Variants in PAPSS2 observed in about 807,000 individuals in gnomAD.
PAPSS2 encodes bifunctional 3'-phosphoadenosine 5'-phosphosulfate synthase 2.
A neutral mutation model predicts 66.5 loss-of-function variants in PAPSS2; 61 were observed. That is an observed-to-expected ratio of 0.92 (90% CI 0.75 to 1.14). PAPSS2 has a LOEUF of 1.14. Among genes scored for constraint, PAPSS2 ranks in the 50% most tolerant of loss-of-function variants. The pLI is 0.00. For synonymous variants in PAPSS2, 289 were observed against 287.5 expected (o/e 1.01, Z -0.05); for missense variants, 708 against 789.6 (o/e 0.90, Z 1.24).
At chr10:87,708,856 A>G (rs568694244) in intron 1 of PAPSS2, among the ~76,000 whole-genome samples, 1 of 152,360 alleles carries the variant, frequency 6.6e-6, no homozygotes, top group Non-Finnish European at 1.5e-5. Context: ...TGTTGCATGA[A>G]TCAATGAGAT....
chr10:87,714,936 G>A, intron 5 of PAPSS2, 49 bp from the exon 6 acceptor site: 1 of 1,416,876 alleles, frequency 7.1e-7, no homozygotes, highest in Non-Finnish European at 1.0e-6. Flanking sequence ...CTTTACTGAA[G>A]CATTCTTTTT....
At chr10:87,729,067 A>G (rs10887750) in intron 9 of PAPSS2, among the ~76,000 whole-genome samples, 79,514 of 151,788 alleles carry the variant, frequency 0.52, 22,126 homozygotes, top group East Asian at 0.75. Flanking sequence ...AAGAATAGCA[A>G]CCTTTGGTTA....
At chr10:87,688,260 T>G (rs572992175) in intron 1 of PAPSS2, among the ~76,000 whole-genome samples, 19 of 151,916 alleles carry the variant, frequency 1.3e-4, no homozygotes, top group African/African-American at 4.6e-4. Context: ...GCATGGAAAT[T>G]ATTGTTAGAG....
chr10:87,681,980 T>C (rs2131904992), intron 1 of PAPSS2, among the ~76,000 whole-genome samples: 1 of 152,342 alleles, frequency 6.6e-6, no homozygotes. Flanking sequence ...TTTGGGGCTA[T>C]TATGAAGAAT....
intron 1 of PAPSS2, among the ~76,000 whole-genome samples, chr10:87,707,493 C>G (rs1002473144): frequency 3.3e-5 from 5 of 149,504 alleles, no homozygotes; most frequent in Non-Finnish European, 4.4e-5. Flanking sequence ...TTGTAGCCCT[C>G]TTTAGTTTCT....
intron 1 of PAPSS2, among the ~76,000 whole-genome samples, chr10:87,688,375 A>G (rs561498564): frequency 6.6e-6 from 1 of 151,802 alleles, no homozygotes; most frequent in African/African-American, 2.4e-5. Flanking sequence ...ACCATTTGTA[A>G]CTGACATTAT....
chr10:87,716,637 T>A (rs1343369982), intron 7 of PAPSS2, among the ~76,000 whole-genome samples: 1 of 152,126 alleles, frequency 6.6e-6, no homozygotes, highest in Non-Finnish European at 1.5e-5. Context: ...TAAGATGCTC[T>A]TTTTTGGGAG....
At chr10:87,674,711 A>G (rs774614519) in intron 1 of PAPSS2, among the ~76,000 whole-genome samples, 2 of 152,232 alleles carry the variant, frequency 1.3e-5, no homozygotes, top group Non-Finnish European at 2.9e-5. Context: ...TTAAGATTAT[A>G]ACTGTCTACC....
intron 1 of PAPSS2, among the ~76,000 whole-genome samples, chr10:87,673,249 AGT>A (rs1438818072): frequency 6.6e-6 from 1 of 152,176 alleles, no homozygotes; most frequent in Non-Finnish European, 1.5e-5. Context: ...GTGGAACACT[AGT>A]GTGTCTACTG....
chr10:87,672,531 A>G (rs1852891128), intron 1 of PAPSS2, among the ~76,000 whole-genome samples: 2 of 152,210 alleles, frequency 1.3e-5, no homozygotes, highest in African/African-American at 4.8e-5. Context: ...CTTTCCTGTT[A>G]GTTCATCCTG....
chr10:87,710,128 A>G (rs1354320577), intron 2 of PAPSS2, among the ~76,000 whole-genome samples: 1 of 152,240 alleles, frequency 6.6e-6, no homozygotes, highest in African/African-American at 2.4e-5. Context: ...ATGTTTATTC[A>G]GGTTATAAAA....
chr10:87,738,147 C>T (rs1853822570), intron 9 of PAPSS2, among the ~76,000 whole-genome samples: 1 of 152,128 alleles, frequency 6.6e-6, no homozygotes, highest in African/African-American at 2.4e-5. Flanking sequence ...GTTGCTTCCA[C>T]CTCTTGGCTA....
At chr10:87,669,640 A>G (rs1425709416) in intron 1 of PAPSS2, among the ~76,000 whole-genome samples, 2 of 152,242 alleles carry the variant, frequency 1.3e-5, no homozygotes, top group South Asian at 4.1e-4. Flanking sequence ...TTTTTAGAGC[A>G]TGTGTTGTTA....
chr10:87,701,323 CCTTCCTTTCTTTCTTTCTTT>C (rs746559202), intron 1 of PAPSS2, among the ~76,000 whole-genome samples: 239 of 84,068 alleles, frequency 2.8e-3, no homozygotes, highest in African/African-American at 3.1e-3. Flanking sequence ...TTCCTTCCTT[CCTTCCTTTCTTTCTTTCTTT>C]CTTTCTTTCT....
intron 1 of PAPSS2, among the ~76,000 whole-genome samples, chr10:87,661,436 C>A (rs907542453): frequency 6.6e-6 from 1 of 152,088 alleles, no homozygotes; most frequent in African/African-American, 2.4e-5. Context: ...CTATTTAATG[C>A]GATTAATTTC....
At chr10:87,731,986 G>A (rs1369097994) in intron 9 of PAPSS2, among the ~76,000 whole-genome samples, 1 of 152,210 alleles carries the variant, frequency 6.6e-6, no homozygotes, top group African/African-American at 2.4e-5. Context: ...TTTGAAGGAA[G>A]TTCTACCATG....
chr10:87,690,541 G>C (rs1853160167), intron 1 of PAPSS2, among the ~76,000 whole-genome samples: 1 of 152,228 alleles, frequency 6.6e-6, no homozygotes, highest in East Asian at 1.9e-4. Context: ...ATGTGGATGT[G>C]ACTTATGCAA....
rs756429279 is a variant in PAPSS2 at position 87,709,344 on chromosome 10, T to C, written c.145+31T>C. On this transcript the variant is annotated intron_variant, in intron 2 of 12. Coordinates refer to ENST00000456849, the MANE Select transcript of PAPSS2 (RefSeq NM_001015880.2). ...TCATGTTCATATATATATATATATA[T>C]ACAAATTGCAAACTGACATGTGACA... is the stretch of plus-strand genomic sequence containing the variant. 54 of 1,004,304 alleles carry C rather than the reference T, an allele frequency of 5.4e-5. 1 individual carries two copies. The highest frequency in any genetic ancestry group is 7.0e-5 in the Non-Finnish European group (47 of 669,386). The allele number at this position is 1,004,304 out of a possible 1,614,324, so 62.2% of individuals were successfully genotyped here. A position where few individuals can be genotyped will look rare whatever the true frequency, so the allele number is the denominator to read the frequency against.
chr10:87,714,828 T>C lies in PAPSS2; in HGVS notation c.604T>C (p.Cys202Arg), dbSNP rs764189124. The C allele has an allele frequency of 1.2e-6, 2 of 1,612,572 alleles. No individual in the cohort carries two copies. Among genetic ancestry groups the C allele is most frequent in the East Asian group, 4.5e-5 (2 of 44,880 alleles). The change falls in exon 5 of 13, where the codon TGT becomes CGT. Residue 202 changes from cysteine to arginine, a missense_variant. Physicochemically the swap from Cys to Arg is radical, Grantham distance 180. Coordinates refer to ENST00000456849, the MANE Select transcript of PAPSS2 (RefSeq NM_001015880.2). The part of the protein sequence containing the change: ...LKTNLSTVSD[C>R]VHQVVELLQE... ...AACCAATTTGTCCACAGTGAGTGAC[T>C]GTGTCCACCAGGTAGTGGAACTTCT...
Sources: allele counts gnomAD v4.1 joint callset (sites outside exome capture counted in the v4.1 genomes callset), GRCh38; gene constraint gnomAD v4.1.1; transcripts MANE v1.5; gene names NCBI Gene and HGNC (gene_info 2026-07-23, HGNC 2026-07-21).